HSD17B12: variants seen among roughly 807,000 people sequenced by gnomAD.
The protein encoded by HSD17B12 is very-long-chain 3-oxoacyl-CoA reductase.
In HSD17B12, 32 loss-of-function variants were observed where a neutral mutation model predicts 39.3. The observed-to-expected ratio is 0.81, with a 90% CI of 0.61 to 1.09. HSD17B12 has a LOEUF of 1.09. Among genes scored for constraint, HSD17B12 ranks in the 50% least tolerant of loss-of-function variants. The probability of loss-of-function intolerance (pLI) is 0.00; values close to 1 mark genes in which losing one functional copy is unlikely to be tolerated. For synonymous variants in HSD17B12, 150 were observed against 146.7 expected (o/e 1.02, Z -0.16); for missense variants, 342 against 382.9 (o/e 0.89, Z 0.89).
At chr11:43,628,174 T>G in the HSD17B12 span, among the ~76,000 whole-genome samples, 1 of 151,986 alleles carries the variant, frequency 6.6e-6, no homozygotes. Context: ...AATGACACCA[T>G]TATTAGTTCT....
chr11:43,693,375 T>C (rs183967117), intron 1 of HSD17B12, among the ~76,000 whole-genome samples: 1 of 152,182 alleles, frequency 6.6e-6, no homozygotes, highest in South Asian at 2.1e-4. Context: ...GAAACTGGTA[T>C]GAGGCAAGAA....
Position 43,816,574 on chromosome 11 carries a change from C to T in HSD17B12, c.501+183C>T, listed in dbSNP as rs72640895. Among the ~76,000 whole-genome samples, 423 of 151,954 alleles carry T rather than the reference C, an allele frequency of 2.8e-3. 20 individuals are homozygous for T. In the East Asian group the frequency reaches 0.074, roughly 26 times the overall value. On this transcript the variant is annotated intron_variant, in intron 6 of 10. Coordinates refer to ENST00000278353, the MANE Select transcript of HSD17B12 (RefSeq NM_016142.3). ...TAAAGAACTGAAGACCAAGCAGGTGCCTGTATTATTTGACTTTTCATTTAT... is the reference window on the plus strand; with the variant it reads ...TAAAGAACTGAAGACCAAGCAGGTGTCTGTATTATTTGACTTTTCATTTAT...
At chr11:43,702,997 G>T (rs1254543167) in intron 1 of HSD17B12, among the ~76,000 whole-genome samples, 1 of 152,006 alleles carries the variant, frequency 6.6e-6, no homozygotes. Flanking sequence ...ATTCATCAGA[G>T]ATATTGGCCT....
At chr11:43,828,204 G>A (rs1341843031) in intron 6 of HSD17B12, among the ~76,000 whole-genome samples, 3 of 148,568 alleles carry the variant, frequency 2.0e-5, no homozygotes, top group Admixed American at 6.7e-5. Context: ...GTGCAGTGGC[G>A]GGATCTCGGC....
intron 1 of HSD17B12, chr11:43,724,141 T>C (rs904377411): frequency 6.6e-6 from 1 of 151,996 alleles, no homozygotes; most frequent in Non-Finnish European, 1.5e-5. Flanking sequence ...ATTGCATGCA[T>C]TGGGGATTCT....
chr11:43,722,959 G>T (rs1950188776), intron 1 of HSD17B12, among the ~76,000 whole-genome samples: 2 of 152,200 alleles, frequency 1.3e-5, no homozygotes, highest in African/African-American at 4.8e-5. Flanking sequence ...GCCCCTGGTT[G>T]CTGTGCCGTG....
the HSD17B12 span, among the ~76,000 whole-genome samples, chr11:43,607,843 G>A: frequency 3.9e-4 from 60 of 152,224 alleles, no homozygotes; most frequent in Middle Eastern, 3.4e-3. Flanking sequence ...TGATGGTGGC[G>A]GAAGAACGGA....
At chr11:43,655,637 T>G in the HSD17B12 span, among the ~76,000 whole-genome samples, 3 of 152,172 alleles carry the variant, frequency 2.0e-5, no homozygotes, top group South Asian at 2.1e-4. Context: ...TTTTGTCAAA[T>G]GCCTTTTCTG....
At chr11:43,732,007 CT>C (rs1483042332) in intron 1 of HSD17B12, among the ~76,000 whole-genome samples, 2 of 152,200 alleles carry the variant, frequency 1.3e-5, no homozygotes, top group African/African-American at 2.4e-5. Context: ...TGTGTCCCCC[CT>C]GACCTAAGTC....
At chr11:43,776,892 G>A (rs1950710925) in intron 3 of HSD17B12, among the ~76,000 whole-genome samples, 1 of 152,056 alleles carries the variant, frequency 6.6e-6, no homozygotes, top group Non-Finnish European at 1.5e-5. Flanking sequence ...TTTTTCTCAG[G>A]TTTGTCAAAG....
chr11:43,739,868 A>T (rs1451105268), intron 1 of HSD17B12, among the ~76,000 whole-genome samples: 1 of 152,216 alleles, frequency 6.6e-6, no homozygotes, highest in Admixed American at 6.5e-5. Context: ...GAGTAAGGTC[A>T]GCTCATGGAA....
intron 6 of HSD17B12, among the ~76,000 whole-genome samples, chr11:43,824,482 C>T (rs1951213119): frequency 6.6e-6 from 1 of 152,182 alleles, no homozygotes. Context: ...CAGTGCCCCA[C>T]CAGATTTGGT....
chr11:43,581,202 C>T, the HSD17B12 span, among the ~76,000 whole-genome samples: 8 of 152,158 alleles, frequency 5.3e-5, no homozygotes, highest in East Asian at 1.6e-3. The surrounding 1 kb of genome is among the most constrained non-coding windows in gnomAD (Gnocchi z 4.9). Flanking sequence ...TCTCTCGGGG[C>T]TGAGTTGGGG....
At chr11:43,586,874 C>G in the HSD17B12 span, among the ~76,000 whole-genome samples, 1 of 152,230 alleles carries the variant, frequency 6.6e-6, no homozygotes, top group Non-Finnish European at 1.5e-5. Context: ...TCTCTCCCTG[C>G]TCTTTGCTCC....
chr11:43,638,094 C>T, the HSD17B12 span, among the ~76,000 whole-genome samples: 1 of 152,128 alleles, frequency 6.6e-6, no homozygotes, highest in South Asian at 2.1e-4. Flanking sequence ...GCAGCAGTAA[C>T]ACATATAGAA....
At chr11:43,663,524 G>T in the HSD17B12 span, among the ~76,000 whole-genome samples, 1 of 152,170 alleles carries the variant, frequency 6.6e-6, no homozygotes, top group African/African-American at 2.4e-5. Context: ...GAGCTACCAT[G>T]ACCAGCCAAT....
intron 1 of HSD17B12, among the ~76,000 whole-genome samples, chr11:43,736,796 T>C (rs1950320316): frequency 6.6e-6 from 1 of 152,216 alleles, no homozygotes; most frequent in African/African-American, 2.4e-5. Context: ...AAATATGAGC[T>C]GGCGTGTGTT....
intron 9 of HSD17B12, among the ~76,000 whole-genome samples, chr11:43,844,574 GAC>G (rs1438538461): frequency 1.3e-5 from 2 of 150,504 alleles, no homozygotes; most frequent in Non-Finnish European, 3.0e-5. Flanking sequence ...AAAAAAAAAA[GAC>G]ACTTGTGTCT....
At chr11:43,840,449 C>A (rs564956292) in intron 9 of HSD17B12, among the ~76,000 whole-genome samples, 2 of 152,114 alleles carry the variant, frequency 1.3e-5, no homozygotes, top group Admixed American at 1.3e-4. Flanking sequence ...TAAGTACATT[C>A]ACATATCGTG....
Sources: gnomAD v4.1 joint callset for allele counts (sites outside exome capture counted in the v4.1 genomes callset) on GRCh38, gnomAD v4.1.1 for gene constraint, Gnocchi (gnomAD v3.1) non-coding constraint, MANE v1.5 for transcripts, NCBI Gene and HGNC (gene_info 2026-07-23, HGNC 2026-07-21) for gene names.